Variants in PLCG2 observed in about 807,000 individuals in gnomAD.
PLCG2 encodes 1-phosphatidylinositol 4,5-bisphosphate phosphodiesterase gamma-2.
Under a neutral mutation model 175.6 loss-of-function variants are expected in PLCG2, and 69 were observed. The observed-to-expected ratio is 0.39, with a 90% CI of 0.32 to 0.48. The LOEUF is 0.48. Ranked by LOEUF, PLCG2 falls within the 20% of genes least tolerant of loss-of-function variation. The pLI is 0.91. For missense variants in PLCG2, 1,798 were observed against 1,650.9 expected (o/e 1.09, Z -1.54); for synonymous variants, 827 against 624.0 (o/e 1.33, Z -4.85).
chr16:81,890,718 T>A (rs1242195435), intron 10 of PLCG2, among the ~76,000 whole-genome samples: 1 of 152,132 alleles, frequency 6.6e-6, no homozygotes, highest in African/African-American at 2.4e-5. Context: ...CAGCAGAAAT[T>A]AGGCCCAGAT....
chr16:81,817,138 C>G (rs920888632), intron 2 of PLCG2, among the ~76,000 whole-genome samples: 1 of 152,108 alleles, frequency 6.6e-6, no homozygotes, highest in South Asian at 2.1e-4. Flanking sequence ...CCTCTCTTTA[C>G]AAGCGAAGTC....
chr16:81,893,630 C>A lies in PLCG2; in HGVS notation c.987-79C>A. The A allele has an allele frequency of 1.4e-5, 12 of 840,424 alleles. No homozygotes were observed. The South Asian group carries it at 1.5e-4, about 11-fold the overall frequency. The allele number at this position is 840,424 out of a possible 1,614,324, so 52.1% of individuals were successfully genotyped here. On this transcript the variant is annotated intron_variant, in intron 11 of 32. Coordinates refer to ENST00000564138, the MANE Select transcript of PLCG2 (RefSeq NM_002661.5). ...CGGCTCGGGCGGAGAAGTTCCCCCA[C>A]AACACCCTGAGGTGCAGGCTTGCCC...
intron 2 of PLCG2, among the ~76,000 whole-genome samples, chr16:81,814,090 G>A (rs930505731): frequency 5.3e-5 from 8 of 152,154 alleles, no homozygotes; most frequent in East Asian, 1.9e-4. Flanking sequence ...CCCTCCATAA[G>A]GAGAGAGGAT....
In PLCG2 at chr16:81,790,286, G is replaced by A. The variant is rs146567504; in HGVS notation, c.193+4104G>A. On this transcript the variant is annotated intron_variant, in intron 2 of 32. Coordinates refer to ENST00000564138, the MANE Select transcript of PLCG2 (RefSeq NM_002661.5). Reference sequence around the variant, plus strand: ...GGGGTTTGGACTGGAGGGGAGTAGGGTCCATTCTCAGGTTTTCAGAAGAGG... The same window carrying A: ...GGGGTTTGGACTGGAGGGGAGTAGGATCCATTCTCAGGTTTTCAGAAGAGG... 3.1e-3 allele frequency among the ~76,000 whole-genome samples: 476 copies of A among 152,308 alleles called. 1 individual carries two copies. Among genetic ancestry groups the A allele is most frequent in the African/African-American group, 0.011 (457 of 41,562 alleles).
intron 9 of PLCG2, among the ~76,000 whole-genome samples, chr16:81,886,443 A>G (rs565326546): frequency 1.3e-5 from 2 of 152,392 alleles, no homozygotes; most frequent in East Asian, 3.9e-4. Context: ...GCTGTATGCA[A>G]TGAAAAGAAA....
At chr16:81,849,451 A>G (rs559167585) in intron 2 of PLCG2, among the ~76,000 whole-genome samples, 1 of 152,188 alleles carries the variant, frequency 6.6e-6, no homozygotes, top group African/African-American at 2.4e-5. Context: ...GATGCTCACC[A>G]TAGGCCAGTT....
At position 81,960,859 on chromosome 16, in the gene PLCG2, G is replaced by A. The variant is rs930318646; in HGVS notation, c.*2861G>A. On this transcript the variant is annotated 3_prime_UTR_variant, in exon 33 of 33. Coordinates refer to ENST00000564138, the MANE Select transcript of PLCG2 (RefSeq NM_002661.5). ...GAATACACAGACTCCAGTACTCTCA[G>A]GGGAGCAGTGTTCAGAGCCTCATCT... 8.7e-6 allele frequency: 2 copies of A among 229,898 alleles called. No individual in the cohort carries two copies. The highest frequency in any genetic ancestry group is 1.7e-5 in the Non-Finnish European group (2 of 116,052). The allele number at this position is 229,898 out of a possible 1,614,324, so 14.2% of individuals were successfully genotyped here.
chr16:81,929,262 C>T (rs943679925), intron 24 of PLCG2, among the ~76,000 whole-genome samples: 1 of 152,206 alleles, frequency 6.6e-6, no homozygotes, highest in South Asian at 2.1e-4. Context: ...GACTCTGTAG[C>T]GGGCCTCCTT....
At chr16:81,956,638 A>T (rs1911579520) in intron 31 of PLCG2, 57 bp from the exon 32 acceptor site, 3 of 1,494,648 alleles carry the variant, frequency 2.0e-6, no homozygotes, top group Non-Finnish European at 2.7e-6. Flanking sequence ...CCAGGTTCAC[A>T]TTTTGGTTTG....
At chr16:81,926,669 C>A (rs1447750080) in intron 22 of PLCG2, among the ~76,000 whole-genome samples, 2 of 152,168 alleles carry the variant, frequency 1.3e-5, no homozygotes, top group African/African-American at 4.8e-5. Context: ...GTTGGAGGCA[C>A]AGAAAGCCTC....
intron 7 of PLCG2, among the ~76,000 whole-genome samples, chr16:81,876,002 TTTTCTTTTTC>T (rs1385337586): frequency 6.8e-6 from 1 of 147,466 alleles, no homozygotes; most frequent in East Asian, 1.9e-4. Flanking sequence ...TCTGGTTAGC[TTTTCTTTTTC>T]TTTCTTTTTT....
At chr16:81,810,823 G>T (rs1336875530) in intron 2 of PLCG2, among the ~76,000 whole-genome samples, 1 of 152,020 alleles carries the variant, frequency 6.6e-6, no homozygotes, top group Non-Finnish European at 1.5e-5. Context: ...TAATTTCATC[G>T]ACCTTATTGT....
intron 31 of PLCG2, among the ~76,000 whole-genome samples, chr16:81,949,302 T>G (rs573556720): frequency 6.6e-6 from 1 of 152,162 alleles, no homozygotes; most frequent in Non-Finnish European, 1.5e-5. Context: ...GTGAGATGAA[T>G]AGAAAACACA....
chr16:81,948,618 A>C (rs187159973), intron 31 of PLCG2, among the ~76,000 whole-genome samples: 1 of 152,308 alleles, frequency 6.6e-6, no homozygotes, highest in East Asian at 1.9e-4. Context: ...GAGGTCCAGG[A>C]CTGGGAGCTG....
intron 24 of PLCG2, 169 bp downstream of exon 24, chr16:81,928,793 C>T (rs971311035): frequency 1.2e-5 from 7 of 576,890 alleles, no homozygotes; most frequent in Non-Finnish European, 1.9e-5. Flanking sequence ...GAGTATGATG[C>T]TATGTCTGCT....
At chr16:81,925,241 A>T (rs147326110) in intron 22 of PLCG2, among the ~76,000 whole-genome samples, 2 of 152,320 alleles carry the variant, frequency 1.3e-5, no homozygotes, top group Non-Finnish European at 2.9e-5. Context: ...TGATGGCAGT[A>T]GTGCTACCTA....
intron 2 of PLCG2, among the ~76,000 whole-genome samples, chr16:81,819,490 C>T (rs1002264540): frequency 3.9e-5 from 6 of 152,172 alleles, no homozygotes; most frequent in Non-Finnish European, 8.8e-5. Flanking sequence ...CCTGGCTCCT[C>T]GCCCACTGCT....
rs556046080 is a variant in PLCG2 at position 81,854,631 on chromosome 16, T to C, written c.337+44T>C. 6,994 of 1,588,894 alleles carry C rather than the reference T, an allele frequency of 4.4e-3. 270 individuals carry two copies. In the South Asian group the frequency reaches 0.073, roughly 17 times the overall value. On this transcript the variant is annotated intron_variant, in intron 3 of 32. Coordinates refer to ENST00000564138, the MANE Select transcript of PLCG2 (RefSeq NM_002661.5). ...GCCTTTCTCCTTCCCTGTGCCTTAGTGTCTTCCTGAAGAAGTTCGCTAATA... is the reference window on the plus strand; with the variant it reads ...GCCTTTCTCCTTCCCTGTGCCTTAGCGTCTTCCTGAAGAAGTTCGCTAATA...
At chr16:81,891,345 T>C (rs1908621785) in intron 10 of PLCG2, 127 bp from the exon 11 acceptor site, 1 of 683,494 alleles carries the variant, frequency 1.5e-6, no homozygotes, top group African/African-American at 1.8e-5. Flanking sequence ...AACTGAGGTC[T>C]GGAGACCGCC....
Sources: allele counts gnomAD v4.1 joint callset (sites outside exome capture counted in the v4.1 genomes callset), GRCh38; gene constraint gnomAD v4.1.1; transcripts MANE v1.5; gene names NCBI Gene and HGNC (gene_info 2026-07-23, HGNC 2026-07-21).